The following ZNF451 variants were observed in gnomAD, a reference collection of about 807,000 sequenced individuals.
ZNF451 encodes the protein zinc finger protein 451.
ZNF451 carries 80 observed loss-of-function variants against 107.1 expected under a neutral mutation model. The observed-to-expected ratio is 0.75, with a 90% CI of 0.62 to 0.90. The LOEUF (loss-of-function observed/expected upper bound fraction) is 0.90. Among genes scored for constraint, ZNF451 ranks in the 40% least tolerant of loss-of-function variants. The pLI, the probability that ZNF451 is intolerant of heterozygous loss-of-function variation, is 0.00. For missense variants in ZNF451, 1,107 were observed against 1,236.2 expected, an observed-to-expected ratio of 0.90 and a Z score of 1.57; for synonymous variants, 362 against 406.5, an observed-to-expected ratio of 0.89 and a Z score of 1.32.
At chr6:57,117,551 CGTGA>C (rs950643001) in intron 3 of ZNF451, among the ~76,000 whole-genome samples, 5 of 152,002 alleles carry the variant, frequency 3.3e-5, no homozygotes, top group Non-Finnish European at 5.9e-5. Flanking sequence ...TTCCTAGTGT[CGTGA>C]GTATGTTTTG....
intron 9 of ZNF451, among the ~76,000 whole-genome samples, chr6:57,143,572 C>A (rs1831891642): frequency 6.6e-6 from 1 of 152,174 alleles, no homozygotes; most frequent in African/African-American, 2.4e-5. Flanking sequence ...TCCCACTAAG[C>A]ACTGCTTTAC....
chr6:57,145,129 C>G (rs1169845275), intron 9 of ZNF451, among the ~76,000 whole-genome samples: 1 of 151,896 alleles, frequency 6.6e-6, no homozygotes, highest in Non-Finnish European at 1.5e-5. Context: ...GGTCTGTTCT[C>G]TCTGGAGTTT....
chr6:57,126,142 A>G (rs1830917650), intron 4 of ZNF451, among the ~76,000 whole-genome samples: 1 of 152,190 alleles, frequency 6.6e-6, no homozygotes, highest in South Asian at 2.1e-4. Flanking sequence ...TCTCAAGGGT[A>G]GTTTCAGCCT....
intron 5 of ZNF451, 23 bp downstream of exon 5, chr6:57,128,863 A>T: frequency 6.4e-7 from 1 of 1,553,136 alleles, no homozygotes. Flanking sequence ...AATTACACTA[A>T]GGTTACCTAG....
rs914618760 is a variant in ZNF451, at chr6:57,147,504, C to A, written c.1419C>A (p.Phe473Leu). 1 of 1,614,006 alleles carries A rather than the reference C, an allele frequency of 6.2e-7. No individual in the cohort carries two copies. The highest frequency in any genetic ancestry group is 1.3e-5 in the African/African-American group (1 of 74,930). The stretch of plus-strand genomic sequence containing the variant: ...AAAAATCAGTAGTTAAAACCTGGTT[C>A]TGTGAATGCAATCAGCGATTCCCAA... ...QKEKSVVKTWFCECNQRFPSE... is the reference protein window; with the variant it reads ...QKEKSVVKTWLCECNQRFPSE... The change falls in exon 10 of 15, where the codon TTC (phenylalanine) becomes TTA (leucine). Residue 473 changes from phenylalanine (F) to leucine (L), a missense_variant. This residue lies in a region of ZNF451 where 608 missense variants were observed against 649.2 expected (regional missense o/e 0.94). Transcript: ENST00000370706.
intron 9 of ZNF451, among the ~76,000 whole-genome samples, chr6:57,142,436 C>T (rs1831816978): frequency 6.6e-6 from 1 of 152,188 alleles, no homozygotes; most frequent in Non-Finnish European, 1.5e-5. Flanking sequence ...AAGATTAAAT[C>T]TCAATGAAAG....
intron 3 of ZNF451, among the ~76,000 whole-genome samples, chr6:57,117,113 A>AT (rs1376145420): frequency 6.6e-6 from 1 of 152,194 alleles, no homozygotes; most frequent in Non-Finnish European, 1.5e-5. Flanking sequence ...GAGGCAATTT[A>AT]TTGAGACATA....
intron 3 of ZNF451, chr6:57,100,997 G>C (rs1413473553): frequency 6.4e-7 from 1 of 1,550,718 alleles, no homozygotes; most frequent in African/African-American, 1.4e-5. Context: ...GAAATGTCCC[G>C]AGTGATACGT....
At chr6:57,137,123 T>C (rs960919544) in intron 7 of ZNF451, among the ~76,000 whole-genome samples, 6 of 152,228 alleles carry the variant, frequency 3.9e-5, no homozygotes, top group African/African-American at 1.4e-4. Flanking sequence ...CCTTCAATGA[T>C]TGCTTATTCC....
At chr6:57,141,258 GTTTA>G (rs1180483821) in intron 7 of ZNF451, 40 bp from the exon 8 acceptor site, 1 of 1,453,968 alleles carries the variant, frequency 6.9e-7, no homozygotes, top group Non-Finnish European at 9.2e-7. Context: ...GAACTTGAGT[GTTTA>G]TTTTAGTTTT....
intron 7 of ZNF451, among the ~76,000 whole-genome samples, chr6:57,135,814 T>G (rs1388646289): frequency 1.3e-5 from 2 of 152,178 alleles, no homozygotes; most frequent in African/African-American, 4.8e-5. Flanking sequence ...AATATCCATA[T>G]TTGGATATTT....
chr6:57,100,965 C>CT, intron 3 of ZNF451: 2 of 1,551,078 alleles, frequency 1.3e-6, no homozygotes. Flanking sequence ...ATGCCATCCT[C>CT]TATCTCCAGA....
chr6:57,168,349 A>T, intron 14 of ZNF451, 74 bp from the exon 15 acceptor site: 1 of 1,061,826 alleles, frequency 9.4e-7, no homozygotes, highest in South Asian at 1.4e-5. Flanking sequence ...AATACAGTCG[A>T]TGAAACTTAA....
intron 2 of ZNF451, among the ~76,000 whole-genome samples, chr6:57,092,408 C>T (rs1829093479): frequency 6.6e-6 from 1 of 152,150 alleles, no homozygotes; most frequent in South Asian, 2.1e-4. Context: ...GAATATCTGA[C>T]ATGATACAAC....
intron 2 of ZNF451, among the ~76,000 whole-genome samples, chr6:57,097,080 A>G (rs1274381177): frequency 6.6e-6 from 1 of 152,082 alleles, no homozygotes; most frequent in East Asian, 1.9e-4. Context: ...TACATTCTTC[A>G]TACCAGATGT....
chr6:57,133,099 A>ACACGTG lies in ZNF451; in HGVS notation c.483_488dup (p.Thr162_Trp163insCysThr). The ACACGTG allele has an allele frequency of 6.2e-7, 1 of 1,614,178 alleles. No individual in the cohort carries two copies. The highest frequency in any genetic ancestry group is 8.5e-7 in the Non-Finnish European group (1 of 1,180,012). ...AAAAGTTCATTCCGAAGAGGAGGCC[A>ACACGTG]CACGTGGGTGTCTGGGAAACCAATT... On this transcript the variant is annotated inframe_insertion, in exon 6 of 15. Coordinates refer to ENST00000370706, the MANE Select transcript of ZNF451 (RefSeq NM_001031623.3).
intron 1 of ZNF451, 34 bp from the exon 2 acceptor site, chr6:57,090,777 G>A: frequency 3.5e-5 from 2 of 56,572 alleles, no homozygotes; most frequent in Non-Finnish European, 5.9e-5. Context: ...GAATGTGGCT[G>A]AACAGATAAG....
At chr6:57,154,834 G>T (rs1183575648) in intron 13 of ZNF451, among the ~76,000 whole-genome samples, 1 of 151,864 alleles carries the variant, frequency 6.6e-6, no homozygotes, top group African/African-American at 2.4e-5. Flanking sequence ...GAAAAATAGT[G>T]GCTTTTTGGC....
intron 4 of ZNF451, among the ~76,000 whole-genome samples, chr6:57,128,522 T>C (rs1020081974): frequency 6.6e-6 from 1 of 152,146 alleles, no homozygotes; most frequent in Non-Finnish European, 1.5e-5. Context: ...GGGGTGTAGG[T>C]TGTAGTAAAT....
Sources: gnomAD v4.1 joint callset for allele counts (sites outside exome capture counted in the v4.1 genomes callset) on GRCh38, gnomAD v4.1.1 for gene constraint, gnomAD v4.1.1 regional missense constraint, MANE v1.5 for transcripts, NCBI Gene and HGNC (gene_info 2026-07-23, HGNC 2026-07-21) for gene names.